Variants in GPR39 observed in about 807,000 individuals in gnomAD.
GPR39 encodes G protein-coupled receptor 39.
Under a neutral mutation model 18.4 loss-of-function variants are expected in GPR39, and 23 were observed. The ratio of observed to expected loss-of-function variants is 1.25; its 90% CI spans 0.90 to 1.77. GPR39 has a LOEUF of 1.77. Among genes scored for constraint, GPR39 ranks in the 40% most tolerant of loss-of-function variants. The pLI is 0.00. For synonymous variants in GPR39, 280 were observed against 257.9 expected (o/e 1.09, Z -0.82); for missense variants, 647 against 602.4 (o/e 1.07, Z -0.78).
At chr2:132,496,544 T>C (rs999660896) in intron 1 of GPR39, among the ~76,000 whole-genome samples, 1 of 152,214 alleles carries the variant, frequency 6.6e-6, no homozygotes, top group Non-Finnish European at 1.5e-5. Flanking sequence ...AAAACAGAAG[T>C]GTAGATGTCA....
chr2:132,539,232 A>G (rs890961895), intron 1 of GPR39, among the ~76,000 whole-genome samples: 1 of 152,186 alleles, frequency 6.6e-6, no homozygotes. Context: ...GCAAAAATCC[A>G]TGAGAAAAGT....
chr2:132,572,150 A>T (rs1315666724), intron 1 of GPR39, among the ~76,000 whole-genome samples: 1 of 152,124 alleles, frequency 6.6e-6, no homozygotes, highest in Admixed American at 6.5e-5. Flanking sequence ...TTCCTGGGTT[A>T]TGTTTCTTTC....
rs770282427 is a variant in GPR39, at chr2:132,417,722, C to T, written c.680C>T (p.Ala227Val). 1.6e-5 allele frequency: 26 copies of T among 1,614,218 alleles called. No homozygotes were observed. The East Asian group carries it at 5.6e-4, about 35-fold the overall frequency. ...WTVFQSSIFG[A>V]FVVYLVVLLS... ...GTGTTCCAGTCCAGCATCTTCGGCG[C>T]CTTCGTGGTCTACCTCGTGGTCCTG... is the stretch of plus-strand genomic sequence containing the variant. Residue 227 changes from alanine to valine, a missense_variant, in exon 1 of 2, where the codon GCC becomes GTC. This residue lies in a region of GPR39 where 581 missense variants were observed against 506.8 expected (regional missense o/e 1.15). Coordinates refer to ENST00000329321, the MANE Select transcript of GPR39 (RefSeq NM_001508.3).
chr2:132,565,646 C>T (rs200380600), intron 1 of GPR39, among the ~76,000 whole-genome samples: 40,539 of 142,232 alleles, frequency 0.29, 5,961 homozygotes, highest in East Asian at 0.75. Context: ...TGAGAATATG[C>T]GGTGTTTGAT....
chr2:132,549,927 A>G (rs573189117), intron 1 of GPR39, among the ~76,000 whole-genome samples: 1 of 152,352 alleles, frequency 6.6e-6, no homozygotes, highest in African/African-American at 2.4e-5. Flanking sequence ...ATGCTCATAA[A>G]CAACCTATTA....
In GPR39 at chr2:132,625,505, G is replaced by A. The variant is rs377253273; in HGVS notation, c.857-19596G>A. 1.4e-4 allele frequency among the ~76,000 whole-genome samples: 21 copies of A among 152,146 alleles called. No individual in the cohort carries two copies. In the East Asian group the frequency reaches 3.9e-3, roughly 28 times the overall value. On this transcript the variant is annotated intron_variant, in intron 1 of 1. Coordinates refer to ENST00000329321, the MANE Select transcript of GPR39 (RefSeq NM_001508.3). ...GACAGATTGGCAAACTTGACTTCTC[G>A]GCACATAGTGCATTCCAGTTTTACG...
Position 132,430,578 on chromosome 2 carries a change from C to T in GPR39, c.856+12680C>T, listed in dbSNP as rs1680208084. Among the ~76,000 whole-genome samples the T allele has an allele frequency of 2.6e-5, 4 of 152,286 alleles. No homozygotes were observed. The South Asian group carries it at 8.3e-4, about 32-fold the overall frequency. ...GAAATTCATGGACCACCAGCTTGGG[C>T]TCTACCATCAAGAAGGTATCAGCTT... On this transcript the variant is annotated intron_variant, in intron 1 of 1. Coordinates refer to ENST00000329321, the MANE Select transcript of GPR39 (RefSeq NM_001508.3).
intron 1 of GPR39, among the ~76,000 whole-genome samples, chr2:132,438,744 A>T (rs754358744): frequency 3.3e-5 from 5 of 152,134 alleles, no homozygotes; most frequent in Non-Finnish European, 5.9e-5. Context: ...CCTTGTTTCA[A>T]GTTGAAGGTC....
chr2:132,600,660 A>C (rs2104840595), intron 1 of GPR39, among the ~76,000 whole-genome samples: 1 of 152,332 alleles, frequency 6.6e-6, no homozygotes. Context: ...TGAAATAAGA[A>C]GAAATAGAAA....
intron 1 of GPR39, among the ~76,000 whole-genome samples, chr2:132,627,386 A>G (rs1357521929): frequency 6.6e-6 from 1 of 152,210 alleles, no homozygotes; most frequent in Non-Finnish European, 1.5e-5. Flanking sequence ...AAAACCACGG[A>G]AACTCAGGAC....
chr2:132,638,814 C>A (rs1681811521), intron 1 of GPR39, among the ~76,000 whole-genome samples: 1 of 152,224 alleles, frequency 6.6e-6, no homozygotes, highest in Non-Finnish European at 1.5e-5. Context: ...ATGCTTCTCA[C>A]CCTACTACAT....
intron 1 of GPR39, among the ~76,000 whole-genome samples, chr2:132,600,523 G>C (rs918507724): frequency 1.3e-5 from 2 of 151,944 alleles, no homozygotes; most frequent in African/African-American, 2.4e-5. Context: ...TGAAAAAGGA[G>C]ACATTACAAC....
intron 1 of GPR39, among the ~76,000 whole-genome samples, chr2:132,553,461 G>A (rs1680092743): frequency 6.6e-6 from 1 of 151,624 alleles, no homozygotes; most frequent in South Asian, 2.1e-4. Context: ...GATGTATGCT[G>A]AAAGATTCAA....
chr2:132,599,582 G>T (rs374825549), intron 1 of GPR39, among the ~76,000 whole-genome samples: 1 of 152,282 alleles, frequency 6.6e-6, no homozygotes, highest in South Asian at 2.1e-4. Context: ...TATTTTAGGT[G>T]GTCCCTGAGT....
intron 1 of GPR39, among the ~76,000 whole-genome samples, chr2:132,448,470 G>T (rs1243854092): frequency 6.6e-6 from 1 of 152,226 alleles, no homozygotes; most frequent in Non-Finnish European, 1.5e-5. Context: ...TCATGGATAA[G>T]AAGAGGTCAG....
intron 1 of GPR39, among the ~76,000 whole-genome samples, chr2:132,619,377 C>G (rs535812434): frequency 2.7e-4 from 41 of 152,108 alleles, no homozygotes; most frequent in Non-Finnish European, 4.7e-4. Flanking sequence ...GCCCACCGAG[C>G]GTGTCTTTGG....
intron 1 of GPR39, among the ~76,000 whole-genome samples, chr2:132,537,380 A>C (rs1260378517): frequency 6.6e-6 from 1 of 152,122 alleles, no homozygotes; most frequent in Non-Finnish European, 1.5e-5. Context: ...TTCTTTAAGA[A>C]CGTTGAATAT....
At chr2:132,531,017 T>A (rs1325995809) in intron 1 of GPR39, among the ~76,000 whole-genome samples, 1 of 152,180 alleles carries the variant, frequency 6.6e-6, no homozygotes, top group Non-Finnish European at 1.5e-5. Flanking sequence ...TAACCTTAAA[T>A]GTAAATGGGT....
intron 1 of GPR39, among the ~76,000 whole-genome samples, chr2:132,601,770 A>G (rs1053758042): frequency 1.3e-5 from 2 of 152,158 alleles, no homozygotes; most frequent in Admixed American, 6.6e-5. Flanking sequence ...TTATACACCA[A>G]TAACGACCTA....
Sources: allele counts gnomAD v4.1 joint callset (sites outside exome capture counted in the v4.1 genomes callset), GRCh38; gene constraint gnomAD v4.1.1; regional missense constraint gnomAD v4.1.1; transcripts MANE v1.5; gene names NCBI Gene and HGNC (gene_info 2026-07-23, HGNC 2026-07-21).